NELL1: variants seen among roughly 807,000 people sequenced by gnomAD.
The protein encoded by NELL1 is neural EGFL like 1, also known as protein kinase C-binding protein NELL1.
Under a neutral mutation model 107.4 loss-of-function variants are expected in NELL1, and 76 were observed. That is an observed-to-expected ratio of 0.71 (90% confidence interval 0.59 to 0.86). NELL1 has a LOEUF of 0.86. Among genes scored for constraint, NELL1 ranks in the 40% least tolerant of loss-of-function variants. The pLI is 0.00. For missense variants in NELL1, 1,024 were observed against 1,005.5 expected (o/e 1.02, Z -0.25); for synonymous variants, 353 against 341.2 (o/e 1.03, Z -0.38).
At position 20,947,367 on chromosome 11, in the gene NELL1, G is replaced by T; in HGVS notation, c.1103G>T (p.Cys368Phe). The T allele has an allele frequency of 1.2e-6, 2 of 1,613,898 alleles. No homozygotes were observed. Among genetic ancestry groups the T allele is most frequent in the Non-Finnish European group, 1.7e-6 (2 of 1,179,904 alleles). Residue 368 changes from cysteine to phenylalanine, a missense_variant, in exon 11 of 20, where the codon TGT (cysteine) becomes TTT (phenylalanine). Physicochemically the swap from Cys to Phe is radical, Grantham distance 205. Transcript: ENST00000357134. ...GTTTTAGTAAAAATTACAGAAATGTGTCCTCCTTTGAACTGCTCAGAAAAG... is the reference window on the plus strand; with the variant it reads ...GTTTTAGTAAAAATTACAGAAATGTTTCCTCCTTTGAACTGCTCAGAAAAG... ...GGVLVKITEMCPPLNCSEKDH... is the reference protein window; with the variant it reads ...GGVLVKITEMFPPLNCSEKDH...
intron 12 of NELL1, among the ~76,000 whole-genome samples, chr11:21,049,559 CT>C (rs763689269): frequency 6.6e-6 from 1 of 152,116 alleles, no homozygotes; most frequent in Non-Finnish European, 1.5e-5. Context: ...AAGATGAGAA[CT>C]AGATTGCATT....
intron 15 of NELL1, among the ~76,000 whole-genome samples, chr11:21,498,140 G>C (rs955308567): frequency 6.6e-6 from 1 of 151,354 alleles, no homozygotes; most frequent in African/African-American, 2.4e-5. Context: ...CTCTACATTT[G>C]CACCAAAATT....
chr11:21,467,399 T>A (rs145883284), intron 15 of NELL1, among the ~76,000 whole-genome samples: 1 of 152,104 alleles, frequency 6.6e-6, no homozygotes, highest in Admixed American at 6.6e-5. Context: ...ATATATTTAT[T>A]GTCCTGCAGT....
intron 14 of NELL1, among the ~76,000 whole-genome samples, chr11:21,319,716 G>A (rs972106833): frequency 3.3e-5 from 5 of 151,606 alleles, no homozygotes; most frequent in African/African-American, 7.3e-5. Flanking sequence ...TTGGGAGGCC[G>A]AGGCAGGTGG....
intron 14 of NELL1, among the ~76,000 whole-genome samples, chr11:21,253,802 A>G (rs201587703): frequency 6.6e-6 from 1 of 152,144 alleles, no homozygotes. Flanking sequence ...ACAAAAAAAC[A>G]CAGCTTCTGC....
At chr11:21,573,873 G>A (rs1390311833) in intron 19 of NELL1, among the ~76,000 whole-genome samples, 1 of 151,346 alleles carries the variant, frequency 6.6e-6, no homozygotes, top group Non-Finnish European at 1.5e-5. Flanking sequence ...AATGTTAGGG[G>A]AAAAAAGTCC....
chr11:21,524,543 G>T (rs990871822), intron 15 of NELL1, among the ~76,000 whole-genome samples: 3 of 152,092 alleles, frequency 2.0e-5, no homozygotes, highest in Non-Finnish European at 4.4e-5. Context: ...ACAATCACTT[G>T]CAGGGCGGGA....
chr11:21,429,919 C>A (rs143910186), intron 15 of NELL1, among the ~76,000 whole-genome samples: 301 of 152,220 alleles, frequency 2.0e-3, no homozygotes, highest in African/African-American at 6.7e-3. Context: ...CCTTTGGTGT[C>A]TCTATGTAAA....
chr11:21,513,392 C>CTG (rs557535420), intron 15 of NELL1, among the ~76,000 whole-genome samples: 1 of 152,162 alleles, frequency 6.6e-6, no homozygotes, highest in South Asian at 2.1e-4. Context: ...ATGTGTACAT[C>CTG]TGTGTGTGTG....
intron 14 of NELL1, among the ~76,000 whole-genome samples, chr11:21,355,410 C>T (rs1850910211): frequency 6.6e-6 from 1 of 152,196 alleles, no homozygotes; most frequent in South Asian, 2.1e-4. Context: ...TTTACATGCA[C>T]TACCTCATTT....
chr11:20,857,318 G>A (rs1848901630), intron 4 of NELL1, among the ~76,000 whole-genome samples: 1 of 152,152 alleles, frequency 6.6e-6, no homozygotes, highest in Non-Finnish European at 1.5e-5. Context: ...CCCCCCGAGT[G>A]TTCTTTCAGC....
chr11:21,407,224 TG>T (rs1564879696), intron 15 of NELL1, among the ~76,000 whole-genome samples: 1 of 152,030 alleles, frequency 6.6e-6, no homozygotes, highest in Non-Finnish European at 1.5e-5. Flanking sequence ...AAGACCAGCC[TG>T]GGCAACATGG....
chr11:21,210,354 ATCCAAGGGC>A (rs2133859485), intron 13 of NELL1, among the ~76,000 whole-genome samples: 1 of 152,238 alleles, frequency 6.6e-6, no homozygotes, highest in South Asian at 2.1e-4. Flanking sequence ...CACGAGCAAT[ATCCAAGGGC>A]TCCAATTCCT....
chr11:20,880,391 T>G (rs761281588), intron 4 of NELL1, among the ~76,000 whole-genome samples: 1 of 152,216 alleles, frequency 6.6e-6, no homozygotes, highest in Non-Finnish European at 1.5e-5. Context: ...TGTAATGTAT[T>G]TTGTTTAATC....
At chr11:21,204,661 G>T (rs1166255603) in intron 13 of NELL1, among the ~76,000 whole-genome samples, 2 of 151,922 alleles carry the variant, frequency 1.3e-5, no homozygotes, top group Non-Finnish European at 2.9e-5. Flanking sequence ...TTGCTGGTGA[G>T]GAGTTGTGAT....
Position 21,405,161 on chromosome 11 carries a change from C to T in NELL1, c.1645+34213C>T, listed in dbSNP as rs144442752. ...TTGTAGACCACCTGGGCCCACCAAG[C>T]TCTTTTTCAATCACATAAGCCACTT... On this transcript the variant is annotated intron_variant, in intron 15 of 19. Coordinates refer to ENST00000357134, the MANE Select transcript of NELL1 (RefSeq NM_006157.5). Among the ~76,000 whole-genome samples, 1,122 of 151,064 alleles carry T rather than the reference C, an allele frequency of 7.4e-3. 66 individuals carry two copies. The highest frequency in any genetic ancestry group is 0.066 in the Admixed American group (998 of 15,098).
intron 5 of NELL1, among the ~76,000 whole-genome samples, chr11:20,911,313 T>C (rs1850126817): frequency 6.6e-6 from 1 of 152,208 alleles, no homozygotes; most frequent in African/African-American, 2.4e-5. Context: ...GCATATAGTA[T>C]CTCAGTTAAT....
chr11:21,141,635 G>T (rs1371136476), intron 13 of NELL1, among the ~76,000 whole-genome samples: 2 of 152,172 alleles, frequency 1.3e-5, no homozygotes, highest in Non-Finnish European at 2.9e-5. Flanking sequence ...AAAAGGAGGT[G>T]ATTAAGGAAA....
At chr11:21,372,505 A>G (rs1001586048) in intron 15 of NELL1, among the ~76,000 whole-genome samples, 1 of 152,040 alleles carries the variant, frequency 6.6e-6, no homozygotes, top group East Asian at 1.9e-4. Context: ...CTTATATGTA[A>G]TCAAACTAAA....
Sources: allele counts gnomAD v4.1 joint callset (sites outside exome capture counted in the v4.1 genomes callset), GRCh38; gene constraint gnomAD v4.1.1; transcripts MANE v1.5; gene names NCBI Gene and HGNC (gene_info 2026-07-23, HGNC 2026-07-21).